FBXL17: variants seen among roughly 807,000 people sequenced by gnomAD.
FBXL17 encodes the protein F-box/LRR-repeat protein 17.
FBXL17 carries 22 observed loss-of-function variants against 66.2 expected under a neutral mutation model. The ratio of observed to expected loss-of-function variants is 0.33; its 90% CI spans 0.24 to 0.47. The LOEUF (loss-of-function observed/expected upper bound fraction) is 0.47. Among genes scored for constraint, FBXL17 ranks in the 20% least tolerant of loss-of-function variants. The pLI is 1.00. For synonymous variants in FBXL17, 474 were observed against 400.5 expected, an observed-to-expected ratio of 1.18 and a Z score of -2.19; for missense variants, 878 against 948.2, an observed-to-expected ratio of 0.93 and a Z score of 0.97.
intron 7 of FBXL17, among the ~76,000 whole-genome samples, chr5:107,946,775 G>A (rs1392478590): frequency 1.3e-5 from 2 of 151,914 alleles, no homozygotes; most frequent in Admixed American, 6.6e-5. Flanking sequence ...GTACCACTTT[G>A]TAAAAAATAA....
rs771325294 is a variant in FBXL17, at chr5:107,976,136, C to A, written c.1822+44789G>T. On this transcript the variant is annotated intron_variant, in intron 7 of 8. Transcript: ENST00000542267. The stretch of plus-strand genomic sequence containing the variant: ...CCTCCCAAAGTGCTGGGATTACAGG[C>A]GTAAGCCATCACACCTGGCCTAAAA... Among the ~76,000 whole-genome samples, 210 of 152,204 alleles carry A rather than the reference C, an allele frequency of 1.4e-3. 1 individual carries two copies. Among genetic ancestry groups the A allele is most frequent in the Middle Eastern group, 3.4e-3 (1 of 294 alleles).
intron 5 of FBXL17, among the ~76,000 whole-genome samples, chr5:108,217,177 A>C (rs1342379116): frequency 1.3e-5 from 2 of 151,976 alleles, no homozygotes; most frequent in Non-Finnish European, 2.9e-5. Context: ...CCTGGACCCC[A>C]GCCCCACAGT....
chr5:108,122,067 T>C (rs1465133387), intron 6 of FBXL17, among the ~76,000 whole-genome samples: 5 of 152,140 alleles, frequency 3.3e-5, no homozygotes, highest in African/African-American at 9.7e-5. Context: ...AATGAAATAA[T>C]ATTCTCTAAG....
chr5:108,102,937 A>T (rs1450508126), intron 6 of FBXL17, among the ~76,000 whole-genome samples: 1 of 152,252 alleles, frequency 6.6e-6, no homozygotes, highest in Non-Finnish European at 1.5e-5. Context: ...TGTAAAGCAT[A>T]GTTGACAAAC....
chr5:107,879,817 G>A (rs976824474), intron 8 of FBXL17: 1 of 985,392 alleles, frequency 1.0e-6, no homozygotes, highest in Non-Finnish European at 1.2e-6. Flanking sequence ...TATCTGAACT[G>A]GACCTTTTCC....
rs1183223818 is a variant in FBXL17, at chr5:108,212,091, T to C, written c.1614+12030A>G. 3.3e-5 allele frequency among the ~76,000 whole-genome samples: 5 copies of C among 152,226 alleles called. 1 individual carries two copies. The highest frequency in any genetic ancestry group is 4.1e-4 in the South Asian group (2 of 4,834). ...CATTAAGTTGATCTTCAATCAATGA[T>C]ATCCTTTCTTCCACTTGATCAGTTC... On this transcript the variant is annotated intron_variant, in intron 5 of 8. Transcript: ENST00000542267.
intron 7 of FBXL17, among the ~76,000 whole-genome samples, chr5:108,001,341 G>C (rs1753715792): frequency 6.6e-6 from 1 of 151,894 alleles, no homozygotes; most frequent in African/African-American, 2.4e-5. Context: ...CTGCAAAATG[G>C]AATTAATCCC....
intron 4 of FBXL17, 148 bp downstream of exon 4, chr5:108,348,251 A>T: frequency 1.7e-6 from 1 of 592,296 alleles, no homozygotes; most frequent in South Asian, 3.4e-5. Context: ...CAATTTATAA[A>T]ATCATCACTT....
chr5:108,374,550 C>T (rs1222127369), intron 1 of FBXL17, among the ~76,000 whole-genome samples: 2 of 151,992 alleles, frequency 1.3e-5, no homozygotes, highest in African/African-American at 2.4e-5. Flanking sequence ...GGCATGTGCA[C>T]CTTTAATCCA....
At chr5:108,249,688 T>C (rs979564743) in intron 4 of FBXL17, among the ~76,000 whole-genome samples, 2 of 152,150 alleles carry the variant, frequency 1.3e-5, no homozygotes, top group African/African-American at 4.8e-5. Flanking sequence ...TCAGTTCATA[T>C]TCCACTGCCC....
At chr5:108,266,592 C>A (rs1357917828) in intron 4 of FBXL17, among the ~76,000 whole-genome samples, 1 of 152,008 alleles carries the variant, frequency 6.6e-6, no homozygotes, top group Non-Finnish European at 1.5e-5. Flanking sequence ...ACATATGCCA[C>A]AAATAAGCCA....
At chr5:108,317,363 A>T (rs1759415738) in intron 4 of FBXL17, among the ~76,000 whole-genome samples, 2 of 150,450 alleles carry the variant, frequency 1.3e-5, no homozygotes, top group Middle Eastern at 3.4e-3. Context: ...AAAGATCTGT[A>T]ATAGTCCCAA....
chr5:108,257,815 AT>A (rs575923762), intron 4 of FBXL17, among the ~76,000 whole-genome samples: 2 of 152,248 alleles, frequency 1.3e-5, no homozygotes, highest in South Asian at 4.1e-4. Flanking sequence ...TTGTATTATA[AT>A]TTTTTTGAAA....
chr5:108,004,458 T>C (rs1376096852), intron 7 of FBXL17, among the ~76,000 whole-genome samples: 3 of 152,308 alleles, frequency 2.0e-5, no homozygotes, highest in East Asian at 3.9e-4. Flanking sequence ...TCCACTATCA[T>C]ATAACATGAT....
chr5:108,088,199 C>T (rs1749044551), intron 6 of FBXL17, among the ~76,000 whole-genome samples: 1 of 152,118 alleles, frequency 6.6e-6, no homozygotes, highest in Non-Finnish European at 1.5e-5. Context: ...TTCTTTACAA[C>T]TAATATATTT....
chr5:108,234,125 C>G lies in FBXL17; in HGVS notation c.1507-9897G>C, dbSNP rs58308898. Among the ~76,000 whole-genome samples the G allele has an allele frequency of 2.8e-4, 42 of 152,186 alleles. No individual in the cohort carries two copies. In the East Asian group the frequency reaches 7.5e-3, roughly 27 times the overall value. ...AAGGATAAAGAGAAGACAGGCAGTA[C>G]AGGGTCACCAATTTTGCTTGGAGAG... On this transcript the variant is annotated intron_variant, in intron 4 of 8. Coordinates refer to ENST00000542267, the MANE Select transcript of FBXL17 (RefSeq NM_001163315.3).
chr5:107,977,702 A>G (rs10900900), intron 7 of FBXL17, among the ~76,000 whole-genome samples: 38,521 of 152,178 alleles, frequency 0.25, 5,099 homozygotes, highest in Middle Eastern at 0.3. Context: ...ATGAACATAC[A>G]TAATGTACAC....
At chr5:108,337,968 A>G (rs1364711538) in intron 4 of FBXL17, among the ~76,000 whole-genome samples, 1 of 152,028 alleles carries the variant, frequency 6.6e-6, no homozygotes, top group East Asian at 1.9e-4. Context: ...ATGAAAAACT[A>G]TAGAATGTAT....
intron 6 of FBXL17, among the ~76,000 whole-genome samples, chr5:108,049,409 G>A (rs962367677): frequency 3.3e-5 from 5 of 151,916 alleles, no homozygotes; most frequent in Non-Finnish European, 5.9e-5. Flanking sequence ...GATCACAGGC[G>A]TTAGCCACTG....
Sources: gnomAD v4.1 joint callset for allele counts (sites outside exome capture counted in the v4.1 genomes callset) on GRCh38, gnomAD v4.1.1 for gene constraint, MANE v1.5 for transcripts, NCBI Gene and HGNC (gene_info 2026-07-23, HGNC 2026-07-21) for gene names.